Variants in KALRN observed in about 807,000 individuals in gnomAD.
KALRN encodes the protein kalirin RhoGEF kinase, also known as kalirin.
KALRN carries 70 observed loss-of-function variants against 353.7 expected under a neutral mutation model. That is an observed-to-expected ratio of 0.20 (90% confidence interval 0.16 to 0.24). KALRN has a LOEUF of 0.24. Among genes scored for constraint, KALRN ranks in the 10% least tolerant of loss-of-function variants. The pLI, the probability that KALRN is intolerant of heterozygous loss-of-function variation, is 1.00. For missense variants in KALRN, 2,791 were observed against 3,756.7 expected, an observed-to-expected ratio of 0.74 and a Z score of 6.72; for synonymous variants, 1,391 against 1,434.8, an observed-to-expected ratio of 0.97 and a Z score of 0.69.
chr3:124,117,990 C>G (rs1053065586), intron 1 of KALRN, among the ~76,000 whole-genome samples: 1 of 152,144 alleles, frequency 6.6e-6, no homozygotes, highest in Non-Finnish European at 1.5e-5. Flanking sequence ...TAATGTTGAA[C>G]GTAAAATCTC....
chr3:124,357,753 T>A (rs1230270904), intron 10 of KALRN, among the ~76,000 whole-genome samples: 1 of 152,158 alleles, frequency 6.6e-6, no homozygotes, highest in East Asian at 1.9e-4. Flanking sequence ...CCATAATCAG[T>A]TTTTTGCTAT....
At chr3:124,524,162 C>T (rs1369428006) in intron 33 of KALRN, among the ~76,000 whole-genome samples, 1 of 152,218 alleles carries the variant, frequency 6.6e-6, no homozygotes, top group African/African-American at 2.4e-5. Context: ...ATGTGGGTTA[C>T]AGTCCCACGC....
intron 1 of KALRN, among the ~76,000 whole-genome samples, chr3:124,112,965 A>G (rs144302381): frequency 5.5e-4 from 84 of 152,284 alleles, no homozygotes; most frequent in African/African-American, 1.8e-3. Flanking sequence ...TCATTCTTCA[A>G]TCCCACCAGT....
intron 1 of KALRN, chr3:124,164,162 A>G (rs907142214): frequency 4.7e-5 from 8 of 171,458 alleles, no homozygotes; most frequent in Non-Finnish European, 8.2e-5. Flanking sequence ...CTGCCAGGGG[A>G]AAGTAAAGAC....
At position 124,495,971 on chromosome 3, in the gene KALRN, A is replaced by G. The variant is rs1322754465; in HGVS notation, c.4833-340A>G. ...TGTGTGTATGTGTATGTATGTATAT[A>G]TATATATATATATATATATATATAT... On this transcript the variant is annotated intron_variant, in intron 32 of 59. Coordinates refer to ENST00000682506, the MANE Select transcript of KALRN (RefSeq NM_001388419.1). 5.6e-3 allele frequency among the ~76,000 whole-genome samples: 111 copies of G among 19,830 alleles called. 14 individuals carry two copies. The highest frequency in any genetic ancestry group is 0.012 in the African/African-American group (46 of 3,772). 13.0% of individuals were successfully genotyped at this position (19,830 alleles called of 152,430 possible).
intron 1 of KALRN, among the ~76,000 whole-genome samples, chr3:124,039,481 A>G (rs1003087943): frequency 6.6e-6 from 1 of 152,254 alleles, no homozygotes; most frequent in Non-Finnish European, 1.5e-5. Flanking sequence ...CCCTCACAAT[A>G]TAAATCAAAC....
chr3:124,689,289 G>A (rs887368838), intron 51 of KALRN, among the ~76,000 whole-genome samples: 3 of 152,024 alleles, frequency 2.0e-5, no homozygotes, highest in African/African-American at 7.3e-5. Flanking sequence ...TTCTTGGCTT[G>A]CCACAGCCTC....
intron 1 of KALRN, among the ~76,000 whole-genome samples, chr3:124,227,396 G>A (rs149381462): frequency 2.6e-5 from 4 of 152,260 alleles, no homozygotes; most frequent in Admixed American, 6.5e-5. Context: ...GTGGGGAGAG[G>A]AGTATTGTCA....
At chr3:124,432,319 C>CA (rs2150470746) in intron 16 of KALRN, among the ~76,000 whole-genome samples, 1 of 152,154 alleles carries the variant, frequency 6.6e-6, no homozygotes, top group South Asian at 2.1e-4. Flanking sequence ...GAGGCTGAGG[C>CA]AGGATAATTG....
intron 1 of KALRN, chr3:124,095,732 AC>A (rs774833463): frequency 2.0e-5 from 3 of 152,226 alleles, no homozygotes; most frequent in Admixed American, 6.5e-5. Context: ...AGGAAAAGCC[AC>A]TGTGAACTTG....
chr3:124,601,153 C>T (rs984269661), intron 34 of KALRN, among the ~76,000 whole-genome samples: 87 of 152,174 alleles, frequency 5.7e-4, no homozygotes, highest in African/African-American at 1.9e-3. Flanking sequence ...TCTTCATCTG[C>T]GCACTTGGGG....
In KALRN at chr3:124,674,608, G is replaced by T. The variant is rs756493850; in HGVS notation, c.7187G>T (p.Ser2396Ile). The T allele has an allele frequency of 1.3e-6, 2 of 1,585,152 alleles. No individual in the cohort carries two copies. Among genetic ancestry groups the T allele is most frequent in the Non-Finnish European group, 1.7e-6 (2 of 1,162,396 alleles). Residue 2396 changes from serine to isoleucine, a missense_variant, in exon 49 of 60, where the codon AGC becomes ATC. Transcript: ENST00000682506. ...KATAAESSDG[S>I]IKKSCSWHTL... ...ACAGCAGCAGAAAGTAGTGACGGGA[G>T]CATCAAGTAAGTGCCTCGTTGGCTT...
At chr3:124,112,326 C>T (rs1297595928) in intron 1 of KALRN, among the ~76,000 whole-genome samples, 1 of 144,072 alleles carries the variant, frequency 6.9e-6, no homozygotes, top group East Asian at 2.0e-4. Flanking sequence ...AAAAAAGAAT[C>T]CTCCAAAAAC....
chr3:124,230,879 A>T (rs1296904617), intron 2 of KALRN, among the ~76,000 whole-genome samples: 3 of 151,682 alleles, frequency 2.0e-5, no homozygotes, highest in East Asian at 3.9e-4. Flanking sequence ...AAACAAAAAA[A>T]AAACACCAAA....
chr3:124,288,442 A>G (rs980387948), intron 5 of KALRN, among the ~76,000 whole-genome samples: 2 of 152,168 alleles, frequency 1.3e-5, no homozygotes, highest in African/African-American at 4.8e-5. Flanking sequence ...GTGTGTCTGC[A>G]TGGCAGTGAA....
Position 124,244,210 on chromosome 3 carries a change from A to G in KALRN, c.263+9267A>G, listed in dbSNP as rs934866145. Among the ~76,000 whole-genome samples the G allele has an allele frequency of 5.9e-5, 9 of 152,262 alleles. No individual in the cohort carries two copies. The East Asian group carries it at 1.5e-3, about 26-fold the overall frequency. On this transcript the variant is annotated intron_variant, in intron 3 of 59. Transcript: ENST00000682506. ...CACCACCTAGAGATAATAACAATAT[A>G]TTAACATATTTCCTTCCTATCTTTT...
At chr3:124,556,403 A>G (rs903075359) in intron 33 of KALRN, among the ~76,000 whole-genome samples, 1 of 148,978 alleles carries the variant, frequency 6.7e-6, no homozygotes, top group Non-Finnish European at 1.5e-5. Context: ...CACATTTGCT[A>G]AAAAAAAAAT....
chr3:124,656,081 G>T (rs1398191006), intron 39 of KALRN, among the ~76,000 whole-genome samples: 1 of 152,180 alleles, frequency 6.6e-6, no homozygotes, highest in Non-Finnish European at 1.5e-5. Context: ...TAGATTTCAA[G>T]GGTAAGTGTT....
At chr3:124,182,580 C>A (rs1046293680) in intron 1 of KALRN, among the ~76,000 whole-genome samples, 28 of 152,232 alleles carry the variant, frequency 1.8e-4, no homozygotes, top group African/African-American at 6.8e-4. Flanking sequence ...GATCTCCCAT[C>A]ACCTTTGCCT....
Sources: allele counts gnomAD v4.1 joint callset (sites outside exome capture counted in the v4.1 genomes callset), GRCh38; gene constraint gnomAD v4.1.1; transcripts MANE v1.5; gene names NCBI Gene and HGNC (gene_info 2026-07-23, HGNC 2026-07-21).